TRMT13: variants seen among roughly 807,000 people sequenced by gnomAD.
TRMT13 encodes tRNA:m(4)X modification enzyme TRM13 homolog.
A neutral mutation model predicts 55.9 loss-of-function variants in TRMT13; 45 were observed. The observed-to-expected ratio is 0.80, with a 90% CI of 0.63 to 1.03. TRMT13 has a LOEUF of 1.03. TRMT13 is among the 50% of genes least tolerant of loss of function. The pLI is 0.00. For synonymous variants in TRMT13, 183 were observed against 196.3 expected (o/e 0.93, Z 0.57); for missense variants, 513 against 563.9 (o/e 0.91, Z 0.91).
rs1352100154 is a variant in TRMT13 at position 100,149,170 on chromosome 1, CT to C, written c.*353del. ...GTATTAATTTTGGAAATTTATCTTC[CT>C]TTGATTTTATTTAATATTTTTTATT... On this transcript the variant is annotated 3_prime_UTR_variant, in exon 11 of 11. Coordinates refer to ENST00000370141, the MANE Select transcript of TRMT13 (RefSeq NM_019083.3). 1.3e-6 allele frequency: 2 copies of C among 1,541,360 alleles called. No individual in the cohort carries two copies. The highest frequency in any genetic ancestry group is 2.8e-5 in the African/African-American group (2 of 71,106).
intron 1 of TRMT13, 69 bp downstream of exon 1, chr1:100,133,384 GCCCCT>G: frequency 6.6e-7 from 1 of 1,521,712 alleles, no homozygotes; most frequent in Admixed American, 2.1e-5. Flanking sequence ...CTGGAACCCG[GCCCCT>G]CCCCTCTTTG....
intron 3 of TRMT13, among the ~76,000 whole-genome samples, chr1:100,139,220 A>G (rs1439346256): frequency 1.3e-5 from 2 of 152,238 alleles, no homozygotes; most frequent in Non-Finnish European, 2.9e-5. Flanking sequence ...GTTTTTGGTC[A>G]TGCTGCATGT....
chr1:100,148,543 C>T (rs1657587131), intron 10 of TRMT13, 82 bp from the exon 11 acceptor site: 2 of 1,323,178 alleles, frequency 1.5e-6, no homozygotes, highest in Admixed American at 2.2e-5. Flanking sequence ...TTAACAGTCT[C>T]TCAATAAATA....
intron 1 of TRMT13, 151 bp from the exon 2 acceptor site, chr1:100,136,731 C>G (rs1655927441): frequency 1.5e-6 from 1 of 651,192 alleles, no homozygotes; most frequent in Non-Finnish European, 2.6e-6. Flanking sequence ...TTGTTAAACC[C>G]TTGGGACCTG....
At position 100,133,250 on chromosome 1, in the gene TRMT13, C is replaced by T. The variant is rs899315365; in HGVS notation, c.82C>T (p.Arg28Trp). 1.2e-6 allele frequency: 2 copies of T among 1,614,086 alleles called. No homozygotes were observed. The highest frequency in any genetic ancestry group is 1.7e-6 in the Non-Finnish European group (2 of 1,180,002). The change falls in exon 1 of 11, where the codon CGG (arginine) becomes TGG (tryptophan). Residue 28 changes from arginine (R) to tryptophan (W), a missense_variant. Physicochemically the swap from Arg to Trp is moderately radical, Grantham distance 101. Transcript: ENST00000370141. ...CGGTTACTATGTGGAAAAGAAGAAA[C>T]GGTTCTGCAGGATGGTGGTGGCCGC... is the stretch of plus-strand genomic sequence containing the variant. ...RCGYYVEKKK[R>W]FCRMVVAAGK...
chr1:100,134,969 T>C (rs963867151), intron 1 of TRMT13, among the ~76,000 whole-genome samples: 1 of 152,198 alleles, frequency 6.6e-6, no homozygotes, highest in African/African-American at 2.4e-5. Flanking sequence ...GTGTCATATA[T>C]AGCTGTGATG....
chr1:100,144,320 A>T (rs41287248), intron 9 of TRMT13, 177 bp downstream of exon 9: 11,830 of 531,018 alleles, frequency 0.022, 415 homozygotes, highest in African/African-American at 0.11. Context: ...ATCTGCTCAT[A>T]TTGGCCATTT....
intron 9 of TRMT13, among the ~76,000 whole-genome samples, chr1:100,146,375 A>AGCCAG (rs1657251793): frequency 2.0e-5 from 3 of 152,138 alleles, no homozygotes; most frequent in Non-Finnish European, 4.4e-5. Flanking sequence ...GAATGAATGA[A>AGCCAG]TAATCTTGGC....
chr1:100,142,366 A>G (rs1321039171), intron 7 of TRMT13, among the ~76,000 whole-genome samples: 1 of 152,186 alleles, frequency 6.6e-6, no homozygotes, highest in Non-Finnish European at 1.5e-5. Context: ...TAATAAAGAT[A>G]ATTTTTGTCC....
intron 1 of TRMT13, among the ~76,000 whole-genome samples, chr1:100,135,547 T>C (rs1655717430): frequency 6.6e-6 from 1 of 152,200 alleles, no homozygotes; most frequent in South Asian, 2.1e-4. Flanking sequence ...CAGTTTTGTT[T>C]TGTTAACTAT....
At position 100,149,890 on chromosome 1, in the gene TRMT13, A is replaced by G. The variant is rs1446950042; in HGVS notation, c.*1070A>G. 6.5e-6 allele frequency: 1 copy of G among 154,000 alleles called. No individual in the cohort carries two copies. Among genetic ancestry groups the G allele is most frequent in the Non-Finnish European group, 1.4e-5 (1 of 69,380 alleles). The allele number at this position is 154,000 out of a possible 1,614,324, so 9.5% of individuals were successfully genotyped here. A position where few individuals can be genotyped will look rare whatever the true frequency, so the allele number is the denominator to read the frequency against. ...ATTTTAGATATTATGATATTCTGAA[A>G]TAACTATTTTTATCCTGTAGTTCTA... On this transcript the variant is annotated 3_prime_UTR_variant, in exon 11 of 11. Transcript: ENST00000370141.
intron 9 of TRMT13, among the ~76,000 whole-genome samples, chr1:100,147,609 A>G (rs980878969): frequency 2.0e-5 from 3 of 152,240 alleles, no homozygotes; most frequent in Non-Finnish European, 1.5e-5. Context: ...GAGACAATTC[A>G]GGTAGTTGGG....
chr1:100,135,594 A>G (rs1158485478), intron 1 of TRMT13, among the ~76,000 whole-genome samples: 2 of 152,192 alleles, frequency 1.3e-5, no homozygotes, highest in African/African-American at 2.4e-5. Context: ...AGAAGGTAAG[A>G]CATATTTTTG....
At chr1:100,147,751 A>T in intron 9 of TRMT13, 143 bp from the exon 10 acceptor site, 1 of 674,094 alleles carries the variant, frequency 1.5e-6, no homozygotes, top group Non-Finnish European at 2.4e-6. Context: ...AATTCATGAT[A>T]GTATTATTAC....
intron 9 of TRMT13, among the ~76,000 whole-genome samples, chr1:100,145,884 A>G (rs1481389596): frequency 1.3e-5 from 2 of 152,200 alleles, no homozygotes; most frequent in Non-Finnish European, 2.9e-5. Context: ...CGGTCAATCA[A>G]TCTCAGACCC....
chr1:100,145,211 T>G (rs1053178826), intron 9 of TRMT13, among the ~76,000 whole-genome samples: 1 of 152,208 alleles, frequency 6.6e-6, no homozygotes, highest in African/African-American at 2.4e-5. Flanking sequence ...TGTAGTACAC[T>G]CTGATGTTCC....
At chr1:100,139,759 C>G (rs1392759273) in intron 4 of TRMT13, 48 bp downstream of exon 4, 4 of 1,191,460 alleles carry the variant, frequency 3.4e-6, no homozygotes, top group Non-Finnish European at 4.8e-6. Flanking sequence ...TTTATAAGCT[C>G]TCTTCATGAT....
intron 1 of TRMT13, among the ~76,000 whole-genome samples, chr1:100,136,072 A>G (rs986885481): frequency 2.6e-5 from 4 of 152,190 alleles, no homozygotes; most frequent in African/African-American, 9.6e-5. Flanking sequence ...TTGTGTTACT[A>G]TACTGTATGA....
chr1:100,146,615 C>T (rs1012179791), intron 9 of TRMT13, among the ~76,000 whole-genome samples: 5 of 152,156 alleles, frequency 3.3e-5, no homozygotes, highest in Non-Finnish European at 5.9e-5. Flanking sequence ...AAGCGATTCT[C>T]CTGCCTCAGC....
Sources: gnomAD v4.1 joint callset for allele counts (sites outside exome capture counted in the v4.1 genomes callset) on GRCh38, gnomAD v4.1.1 for gene constraint, MANE v1.5 for transcripts, NCBI Gene and HGNC (gene_info 2026-07-23, HGNC 2026-07-21) for gene names.